The following NEDD4L variants were observed in gnomAD, a reference collection of about 807,000 sequenced individuals.
NEDD4L encodes NEDD4 like E3 ubiquitin protein ligase.
Under a neutral mutation model 148.9 loss-of-function variants are expected in NEDD4L, and 54 were observed. The ratio of observed to expected loss-of-function variants is 0.36; its 90% CI spans 0.29 to 0.45. The LOEUF (loss-of-function observed/expected upper bound fraction) is 0.45. Ranked by LOEUF, NEDD4L falls within the 20% of genes least tolerant of loss-of-function variation. The pLI, the probability that NEDD4L is intolerant of heterozygous loss-of-function variation, is 1.00. For missense variants in NEDD4L, 856 were observed against 1,233.8 expected, an observed-to-expected ratio of 0.69 and a Z score of 4.59; for synonymous variants, 433 against 440.7, an observed-to-expected ratio of 0.98 and a Z score of 0.22.
Position 58,398,468 on chromosome 18 carries a change from C to T in NEDD4L, c.*2199C>T, listed in dbSNP as rs2050637243. On this transcript the variant is annotated 3_prime_UTR_variant, in exon 31 of 31. Transcript: ENST00000400345. ...GTATATTGAAAAAAACAGAATGTCACTAAATGCATATTAAGTCAAGTATTG... is the reference window on the plus strand; with the variant it reads ...GTATATTGAAAAAAACAGAATGTCATTAAATGCATATTAAGTCAAGTATTG... 5.3e-5 allele frequency: 8 copies of T among 152,120 alleles called. No homozygotes were observed. The South Asian group carries it at 1.7e-3, about 32-fold the overall frequency. The allele number at this position is 152,120 out of a possible 1,614,324, so 9.4% of individuals were successfully genotyped here.
In NEDD4L at chr18:58,044,540, A is replaced by T; in HGVS notation, c.-121A>T. 1 of 1,241,872 alleles carries T rather than the reference A, an allele frequency of 8.1e-7. No individual in the cohort carries two copies. The highest frequency in any genetic ancestry group is 1.0e-6 in the Non-Finnish European group (1 of 979,690). 76.9% of individuals were successfully genotyped at this position (1,241,872 alleles called of 1,614,324 possible). ...GCCGGCGCCCGGCCGCTTACCCGGC[A>T]GGGCGTGCGCAGGGTAGGGTGCGGG... On this transcript the variant is annotated 5_prime_UTR_variant, in exon 1 of 31. Coordinates refer to ENST00000400345, the MANE Select transcript of NEDD4L (RefSeq NM_001144967.3).
chr18:58,169,701 TC>T, intron 2 of NEDD4L, among the ~76,000 whole-genome samples: 1 of 152,214 alleles, frequency 6.6e-6, no homozygotes, highest in Non-Finnish European at 1.5e-5. Context: ...TGTGCCTGTG[TC>T]CCGTTTCTGC....
At chr18:58,073,351 A>G (rs1461758040) in intron 1 of NEDD4L, among the ~76,000 whole-genome samples, 1 of 152,190 alleles carries the variant, frequency 6.6e-6, no homozygotes, top group East Asian at 1.9e-4. Flanking sequence ...AAGCTTTGCT[A>G]CAAATCTACA....
At chr18:58,206,423 A>G (rs1452583791) in intron 2 of NEDD4L, among the ~76,000 whole-genome samples, 1 of 152,102 alleles carries the variant, frequency 6.6e-6, no homozygotes, top group Non-Finnish European at 1.5e-5. Flanking sequence ...ACAAAAACCC[A>G]AACTTTCAGC....
intron 6 of NEDD4L, among the ~76,000 whole-genome samples, chr18:58,319,433 T>C (rs2058580834): frequency 6.6e-6 from 1 of 152,228 alleles, no homozygotes; most frequent in Admixed American, 6.5e-5. Context: ...TCTCACTCTA[T>C]TCCATAGTGA....
intron 1 of NEDD4L, among the ~76,000 whole-genome samples, chr18:58,079,021 G>A (rs748342575): frequency 6.6e-6 from 1 of 152,132 alleles, no homozygotes; most frequent in South Asian, 2.1e-4. Context: ...AATGTACCAG[G>A]CACTCCCAGT....
intron 1 of NEDD4L, among the ~76,000 whole-genome samples, chr18:58,081,263 T>A (rs1285385338): frequency 1.4e-5 from 2 of 144,374 alleles, no homozygotes. Context: ...TCGTCTGGGC[T>A]GGAGTGCAGT....
chr18:58,079,492 A>G (rs1272894597), intron 1 of NEDD4L, among the ~76,000 whole-genome samples: 1 of 152,236 alleles, frequency 6.6e-6, no homozygotes, highest in Non-Finnish European at 1.5e-5. Context: ...GGTAACTGCT[A>G]TTATCCCTGG....
intron 13 of NEDD4L, among the ~76,000 whole-genome samples, chr18:58,339,299 A>G (rs2042148565): frequency 6.6e-6 from 1 of 152,182 alleles, no homozygotes; most frequent in Non-Finnish European, 1.5e-5. Flanking sequence ...ACTTTGCCAG[A>G]GATACTAATT....
At chr18:58,129,498 C>A (rs2031698702) in intron 1 of NEDD4L, among the ~76,000 whole-genome samples, 1 of 152,220 alleles carries the variant, frequency 6.6e-6, no homozygotes, top group South Asian at 2.1e-4. Flanking sequence ...GAGCACCCAA[C>A]TTGGTTTTCT....
chr18:58,092,183 C>G (rs541973478), intron 1 of NEDD4L, among the ~76,000 whole-genome samples: 2 of 152,218 alleles, frequency 1.3e-5, no homozygotes, highest in Non-Finnish European at 2.9e-5. Context: ...ATCCTCCCTT[C>G]GGGGGAGGTC....
At chr18:58,253,483 C>CATCAAAATGCA (rs2148526563) in intron 5 of NEDD4L, among the ~76,000 whole-genome samples, 1 of 152,310 alleles carries the variant, frequency 6.6e-6, no homozygotes, top group Non-Finnish European at 1.5e-5. Flanking sequence ...CATCAAAGTA[C>CATCAAAATGCA]TTTCTTGTGA....
chr18:58,138,342 C>T (rs916242672), intron 1 of NEDD4L, among the ~76,000 whole-genome samples: 7 of 146,182 alleles, frequency 4.8e-5, no homozygotes, highest in Non-Finnish European at 1.1e-4. Flanking sequence ...TCCCCTCCTC[C>T]TCTTCCCTCC....
intron 2 of NEDD4L, among the ~76,000 whole-genome samples, chr18:58,196,119 T>C (rs1255876360): frequency 1.3e-5 from 2 of 152,212 alleles, no homozygotes; most frequent in Non-Finnish European, 1.5e-5. Flanking sequence ...TAAAGGAATC[T>C]GTCATGCAGA....
At chr18:58,065,255 T>G (rs1031980420) in intron 1 of NEDD4L, among the ~76,000 whole-genome samples, 1 of 152,244 alleles carries the variant, frequency 6.6e-6, no homozygotes, top group Non-Finnish European at 1.5e-5. Context: ...GCAACGTTTT[T>G]TTCATTGTCA....
At chr18:58,113,174 C>T (rs1215985574) in intron 1 of NEDD4L, among the ~76,000 whole-genome samples, 1 of 152,214 alleles carries the variant, frequency 6.6e-6, no homozygotes, top group Admixed American at 6.5e-5. Context: ...TTAAAGGCAG[C>T]TTCTAAAGGG....
intron 5 of NEDD4L, among the ~76,000 whole-genome samples, chr18:58,302,304 G>A (rs943646412): frequency 2.6e-5 from 4 of 152,180 alleles, no homozygotes; most frequent in African/African-American, 7.2e-5. Flanking sequence ...GTTAGAGCAC[G>A]TTTTTTAGCC....
At chr18:58,377,814 G>T (rs578169790) in intron 24 of NEDD4L, among the ~76,000 whole-genome samples, 1 of 152,312 alleles carries the variant, frequency 6.6e-6, no homozygotes, top group East Asian at 1.9e-4. Context: ...CAGAATATCG[G>T]CTCACTGCAA....
chr18:58,267,058 C>T (rs1171856173), intron 5 of NEDD4L, among the ~76,000 whole-genome samples: 6 of 151,952 alleles, frequency 3.9e-5, no homozygotes, highest in African/African-American at 1.4e-4. Flanking sequence ...TCTTTCCTTC[C>T]GTATATTTGT....
Sources: gnomAD v4.1 joint callset for allele counts (sites outside exome capture counted in the v4.1 genomes callset) on GRCh38, gnomAD v4.1.1 for gene constraint, MANE v1.5 for transcripts, NCBI Gene and HGNC (gene_info 2026-07-23, HGNC 2026-07-21) for gene names.